PTK2: variants seen among roughly 807,000 people sequenced by gnomAD.
PTK2 encodes the protein focal adhesion kinase 1.
PTK2 carries 45 observed loss-of-function variants against 150.1 expected under a neutral mutation model. The observed-to-expected ratio is 0.30, with a 90% CI of 0.24 to 0.38. The LOEUF (loss-of-function observed/expected upper bound fraction) is 0.38. Among genes scored for constraint, PTK2 ranks in the 10% least tolerant of loss-of-function variants. PTK2 has a pLI of 1.00. For synonymous variants in PTK2, 432 were observed against 449.2 expected (o/e 0.96, Z 0.48); for missense variants, 919 against 1,307.3 (o/e 0.70, Z 4.58).
chr8:140,696,614 CA>C (rs1228027666), intron 26 of PTK2, among the ~76,000 whole-genome samples: 1 of 151,714 alleles, frequency 6.6e-6, no homozygotes, highest in Non-Finnish European at 1.5e-5. Context: ...TGAGATGACA[CA>C]AAAATAATCT....
intron 10 of PTK2, among the ~76,000 whole-genome samples, chr8:140,805,035 G>T (rs1183731259): frequency 6.6e-6 from 1 of 152,124 alleles, no homozygotes; most frequent in Non-Finnish European, 1.5e-5. Flanking sequence ...GCTCTGTGCT[G>T]GGTGGGCCCT....
At chr8:140,992,035 TA>T (rs1362463356) in intron 1 of PTK2, among the ~76,000 whole-genome samples, 1 of 152,020 alleles carries the variant, frequency 6.6e-6, no homozygotes, top group East Asian at 1.9e-4. Flanking sequence ...CTCATGCCCA[TA>T]ATCTCAGCAC....
At chr8:140,971,802 TAC>T (rs1228243518) in intron 1 of PTK2, among the ~76,000 whole-genome samples, 5 of 152,254 alleles carry the variant, frequency 3.3e-5, no homozygotes, top group African/African-American at 1.2e-4. Flanking sequence ...GGGTTCAAAC[TAC>T]ATTCCAGTAG....
chr8:140,861,852 T>C (rs1056780633), intron 5 of PTK2, among the ~76,000 whole-genome samples: 5 of 152,248 alleles, frequency 3.3e-5, no homozygotes, highest in African/African-American at 9.6e-5. Context: ...ACTTAGTGAA[T>C]GCCTTGATCA....
intron 14 of PTK2, among the ~76,000 whole-genome samples, chr8:140,780,450 C>T (rs1044659663): frequency 6.6e-6 from 1 of 152,000 alleles, no homozygotes; most frequent in Admixed American, 6.5e-5. Flanking sequence ...TAGGTTCTAA[C>T]AAGCAGCTGA....
At chr8:140,769,538 C>A (rs752451068) in intron 14 of PTK2, 37 bp downstream of exon 16, 6 of 1,288,580 alleles carry the variant, frequency 4.7e-6, no homozygotes, top group Non-Finnish European at 6.2e-6. Flanking sequence ...AAATAATTAT[C>A]TCATAGCAGT....
intron 29 of PTK2, among the ~76,000 whole-genome samples, chr8:140,671,671 T>C (rs2095451944): frequency 1.3e-5 from 2 of 149,230 alleles, no homozygotes; most frequent in Admixed American, 6.8e-5. Flanking sequence ...CCCAGCACTT[T>C]GGGAGGCCGA....
At chr8:140,667,604 A>C (rs1004278466) in intron 30 of PTK2, among the ~76,000 whole-genome samples, 1 of 152,064 alleles carries the variant, frequency 6.6e-6, no homozygotes, top group Non-Finnish European at 1.5e-5. Context: ...CTCAGCCCCT[A>C]GTGTCCTTTT....
chr8:140,968,956 T>C (rs973771483), intron 1 of PTK2, among the ~76,000 whole-genome samples: 2 of 152,212 alleles, frequency 1.3e-5, no homozygotes, highest in African/African-American at 2.4e-5. Context: ...CAGCTGAAAC[T>C]GGTGACCATT....
chr8:140,963,143 A>C (rs1390186009), intron 1 of PTK2, among the ~76,000 whole-genome samples: 1 of 152,004 alleles, frequency 6.6e-6, no homozygotes, highest in Non-Finnish European at 1.5e-5. Flanking sequence ...TACAGCCTAT[A>C]TATGTTCTTC....
chr8:140,751,606 C>A (rs1483760459), intron 17 of PTK2, among the ~76,000 whole-genome samples: 1 of 152,066 alleles, frequency 6.6e-6, no homozygotes, highest in African/African-American at 2.4e-5. Flanking sequence ...ATTCTCCTGC[C>A]TCAGTCTCCT....
chr8:140,680,449 C>CG (rs1047970349), intron 27 of PTK2, among the ~76,000 whole-genome samples: 6 of 152,026 alleles, frequency 3.9e-5, no homozygotes, highest in African/African-American at 1.5e-4. Flanking sequence ...AGGCTGGTCT[C>CG]GAACTCCTGA....
At chr8:140,929,541 T>C (rs1360241117) in intron 1 of PTK2, among the ~76,000 whole-genome samples, 3 of 152,094 alleles carry the variant, frequency 2.0e-5, no homozygotes, top group African/African-American at 7.2e-5. Flanking sequence ...TAATTACTAA[T>C]ATCATCATTT....
Position 140,674,412 on chromosome 8 carries a change from G to C in PTK2, c.2603-8C>G, listed in dbSNP as rs989031214. 4 of 1,578,724 alleles carry C rather than the reference G, an allele frequency of 2.5e-6. No individual in the cohort carries two copies. The highest frequency in any genetic ancestry group is 3.4e-6 in the Non-Finnish European group (4 of 1,161,368). ...TTGGTGGAGCTGCAGGATCTGGTGA[G>C]AGAGAATGATTCCCATTAAGTCATG... is the stretch of plus-strand genomic sequence containing the variant. On this transcript the variant is annotated splice_polypyrimidine_tract_variant and splice_region_variant and intron_variant, in intron 28 of 31. Transcript: ENST00000522684.
At chr8:140,741,659 T>C (rs911672884) in intron 20 of PTK2, among the ~76,000 whole-genome samples, 1 of 152,086 alleles carries the variant, frequency 6.6e-6, no homozygotes, top group African/African-American at 2.4e-5. Flanking sequence ...CTTTGTAAAA[T>C]GGTAGTCATA....
At chr8:140,668,499 G>A (rs1158393544) in intron 29 of PTK2, 75 bp from the exon 34 acceptor site, 9 of 1,488,504 alleles carry the variant, frequency 6.0e-6, no homozygotes, top group Non-Finnish European at 8.2e-6. Flanking sequence ...AGCTAGAGAG[G>A]GTCTTTACAA....
rs1030506936 is a variant in PTK2, at chr8:140,671,307, C to T, written c.2710-2883G>A. Among the ~76,000 whole-genome samples the T allele has an allele frequency of 1.3e-4, 20 of 152,124 alleles. 1 individual carries two copies. Among genetic ancestry groups the T allele is most frequent in the Admixed American group, 9.8e-4 (15 of 15,278 alleles). On this transcript the variant is annotated intron_variant, in intron 29 of 31. Transcript: ENST00000522684. ...TGTGATCTCAGCTCACCACAACCACCGCCTCCTGGATTCCAGCGATTCTTG... is the reference window on the plus strand; with the variant it reads ...TGTGATCTCAGCTCACCACAACCACTGCCTCCTGGATTCCAGCGATTCTTG...
intron 1 of PTK2, among the ~76,000 whole-genome samples, chr8:140,969,258 A>C (rs2100186390): frequency 1.3e-5 from 2 of 152,228 alleles, no homozygotes; most frequent in African/African-American, 4.8e-5. Flanking sequence ...AGGAGGAACC[A>C]GGAAAACCTC....
intron 5 of PTK2, among the ~76,000 whole-genome samples, chr8:140,853,165 G>C (rs1477814959): frequency 6.6e-6 from 1 of 150,924 alleles, no homozygotes; most frequent in Non-Finnish European, 1.5e-5. Context: ...GTCTCTGCTT[G>C]GCAAACCTTT....
Sources: allele counts gnomAD v4.1 joint callset (sites outside exome capture counted in the v4.1 genomes callset), GRCh38; gene constraint gnomAD v4.1.1; transcripts MANE v1.5; gene names NCBI Gene and HGNC (gene_info 2026-07-23, HGNC 2026-07-21).